The following HIBCH variants were observed in gnomAD, a reference collection of about 807,000 sequenced individuals.
The protein encoded by HIBCH is 3-hydroxyisobutyryl-CoA hydrolase, mitochondrial.
HIBCH carries 50 observed loss-of-function variants against 58.2 expected under a neutral mutation model. That is an observed-to-expected ratio of 0.86 (90% CI 0.68 to 1.09). The LOEUF (loss-of-function observed/expected upper bound fraction) is 1.09, where lower values mean the gene tolerates loss of function less well. HIBCH is among the 50% of genes least tolerant of loss of function. The pLI, the probability that HIBCH is intolerant of heterozygous loss-of-function variation, is 0.00. For synonymous variants in HIBCH, 151 were observed against 146.9 expected (o/e 1.03, Z -0.20); for missense variants, 450 against 449.7 (o/e 1.00, Z -0.01).
intron 2 of HIBCH, among the ~76,000 whole-genome samples, chr2:190,300,457 T>C (rs1048536107): frequency 7.9e-5 from 12 of 152,046 alleles, no homozygotes; most frequent in African/African-American, 2.9e-4. Context: ...GTTGGCTGCA[T>C]GTCTATCTTC....
intron 6 of HIBCH, among the ~76,000 whole-genome samples, chr2:190,264,939 A>G (rs899472926): frequency 6.6e-6 from 1 of 151,968 alleles, no homozygotes; most frequent in Non-Finnish European, 1.5e-5. Context: ...CCTAGCCAAC[A>G]CGGTGAAACC....
intron 6 of HIBCH, among the ~76,000 whole-genome samples, chr2:190,284,232 T>C (rs1264308517): frequency 6.6e-6 from 1 of 152,236 alleles, no homozygotes; most frequent in Non-Finnish European, 1.5e-5. Context: ...TTCACTGCAG[T>C]CTTTTCTTTT....
chr2:190,251,787 A>G (rs556428567), intron 8 of HIBCH, among the ~76,000 whole-genome samples: 41 of 152,262 alleles, frequency 2.7e-4, no homozygotes, highest in African/African-American at 7.2e-4. Flanking sequence ...ACTCATAACC[A>G]AAAGAAGCCT....
At chr2:190,302,313 C>G (rs1042645707) in intron 2 of HIBCH, among the ~76,000 whole-genome samples, 3 of 152,172 alleles carry the variant, frequency 2.0e-5, no homozygotes, top group Non-Finnish European at 4.4e-5. Context: ...TATTCACGAA[C>G]AGGAGGCACA....
At chr2:190,192,708 C>T (rs908378828) in intron 1 of HIBCH, among the ~76,000 whole-genome samples, 44 of 152,194 alleles carry the variant, frequency 2.9e-4, no homozygotes, top group Middle Eastern at 3.4e-3. Context: ...GTATTTTTCA[C>T]GTACAACGTA....
chr2:190,317,587 G>T (rs1688736201), intron 1 of HIBCH, among the ~76,000 whole-genome samples: 1 of 152,196 alleles, frequency 6.6e-6, no homozygotes, highest in African/African-American at 2.4e-5. Context: ...GGCAGGCACT[G>T]AAGTAAAACC....
chr2:190,256,403 G>A (rs1287691261), intron 7 of HIBCH, among the ~76,000 whole-genome samples: 1 of 147,032 alleles, frequency 6.8e-6, no homozygotes, highest in Admixed American at 6.7e-5. Flanking sequence ...CCCAGTAGTG[G>A]GAAATAATTA....
At chr2:190,251,883 A>AT (rs981869806) in intron 8 of HIBCH, among the ~76,000 whole-genome samples, 28 of 150,006 alleles carry the variant, frequency 1.9e-4, no homozygotes, top group Admixed American at 4.0e-4. Context: ...GGTAGGCATG[A>AT]TTTTTTTTTT....
At chr2:190,270,268 C>CTT (rs33918420) in intron 6 of HIBCH, among the ~76,000 whole-genome samples, 4,757 of 143,326 alleles carry the variant, frequency 0.033, 108 homozygotes, top group African/African-American at 0.068. Flanking sequence ...GTTATTACAC[C>CTT]TTTTTTTTTT....
chr2:190,231,060 T>A (rs1191119981), intron 11 of HIBCH, among the ~76,000 whole-genome samples: 1 of 152,206 alleles, frequency 6.6e-6, no homozygotes, highest in African/African-American at 2.4e-5. Context: ...CTCCCATCTA[T>A]CTACAATGTC....
At chr2:190,310,588 GC>G (rs1688531452) in intron 2 of HIBCH, among the ~76,000 whole-genome samples, 165 bp downstream of exon 2, 1 of 152,116 alleles carries the variant, frequency 6.6e-6, no homozygotes, top group Admixed American at 6.5e-5. Context: ...ATAATCTTAT[GC>G]CACCTCCTAC....
intron 1 of HIBCH, among the ~76,000 whole-genome samples, chr2:190,312,215 T>A (rs1487133047): frequency 6.6e-6 from 1 of 152,204 alleles, no homozygotes; most frequent in Non-Finnish European, 1.5e-5. Context: ...TTGTGAAAAT[T>A]CATCAAGTTG....
intron 11 of HIBCH, among the ~76,000 whole-genome samples, chr2:190,222,209 C>A (rs1335852452): frequency 6.6e-6 from 1 of 152,190 alleles, no homozygotes; most frequent in South Asian, 2.1e-4. Flanking sequence ...CTTCTGCACT[C>A]ACTCACTTGT....
intron 4 of HIBCH, among the ~76,000 whole-genome samples, chr2:190,293,345 C>G (rs1432242584): frequency 1.3e-5 from 2 of 151,896 alleles, no homozygotes; most frequent in Non-Finnish European, 1.5e-5. Flanking sequence ...CTCAGCTACT[C>G]GGGAAGCTGA....
Position 190,319,696 on chromosome 2 carries a change from C to G in HIBCH, c.35+20G>C. On this transcript the variant is annotated intron_variant, in intron 1 of 13. Coordinates refer to ENST00000359678, the MANE Select transcript of HIBCH (RefSeq NM_014362.4). ...GTGCCGCTGAAGAGCCTGCCCTTGGCCCCTCGCTCTCTCACTCACCTCGAC... is the reference window on the plus strand; with the variant it reads ...GTGCCGCTGAAGAGCCTGCCCTTGGGCCCTCGCTCTCTCACTCACCTCGAC... The G allele has an allele frequency of 6.3e-7, 1 of 1,597,488 alleles. No homozygotes were observed. Among genetic ancestry groups the G allele is most frequent in the East Asian group, 2.2e-5 (1 of 44,846 alleles).
Position 190,314,371 on chromosome 2 carries a change from G to A in HIBCH, c.36-3575C>T, listed in dbSNP as rs199688544. ...TGTGTATATATACGTATATATATAC[G>A]TATATATGTGTATATATATGTATAT... On this transcript the variant is annotated intron_variant, in intron 1 of 13. Coordinates refer to ENST00000359678, the MANE Select transcript of HIBCH (RefSeq NM_014362.4). 7.1e-3 allele frequency among the ~76,000 whole-genome samples: 559 copies of A among 78,428 alleles called. 7 individuals carry two copies. Among genetic ancestry groups the A allele is most frequent in the African/African-American group, 0.026 (507 of 19,224 alleles). 51.5% of individuals were successfully genotyped at this position (78,428 alleles called of 152,430 possible).
At chr2:190,268,677 A>T (rs1687308088) in intron 6 of HIBCH, among the ~76,000 whole-genome samples, 1 of 152,246 alleles carries the variant, frequency 6.6e-6, no homozygotes. Flanking sequence ...AAATACGTTA[A>T]TCTGCAACTA....
intron 7 of HIBCH, among the ~76,000 whole-genome samples, chr2:190,257,329 T>C (rs990470490): frequency 6.6e-6 from 1 of 152,114 alleles, no homozygotes; most frequent in Non-Finnish European, 1.5e-5. Flanking sequence ...CCACATCTCA[T>C]ACAAGTGAAC....
chr2:190,267,622 T>C (rs557484623), intron 6 of HIBCH, among the ~76,000 whole-genome samples: 1 of 152,070 alleles, frequency 6.6e-6, no homozygotes, highest in African/African-American at 2.4e-5. Context: ...TGGAACTCAT[T>C]AAGTAATTCA....
Sources: allele counts gnomAD v4.1 joint callset (sites outside exome capture counted in the v4.1 genomes callset), GRCh38; gene constraint gnomAD v4.1.1; transcripts MANE v1.5; gene names NCBI Gene and HGNC (gene_info 2026-07-23, HGNC 2026-07-21).